The following LAMA1 variants were observed in gnomAD, a reference collection of about 807,000 sequenced individuals.
LAMA1 encodes the protein laminin subunit alpha-1.
A neutral mutation model predicts 348.7 loss-of-function variants in LAMA1; 219 were observed. The ratio of observed to expected loss-of-function variants is 0.63; its 90% CI spans 0.56 to 0.70. The LOEUF is 0.70. LAMA1 is among the 30% of genes least tolerant of loss of function. The pLI, the probability that LAMA1 is intolerant of heterozygous loss-of-function variation, is 0.00. For synonymous variants in LAMA1, 1,487 were observed against 1,491.0 expected, an observed-to-expected ratio of 1.00 and a Z score of 0.06; for missense variants, 3,744 against 3,888.0, an observed-to-expected ratio of 0.96 and a Z score of 0.99.
In LAMA1 at chr18:6,982,477, C is replaced by G; in HGVS notation, c.5890+20G>C. 6.2e-7 allele frequency: 1 copy of G among 1,607,572 alleles called. No homozygotes were observed. Among genetic ancestry groups the G allele is most frequent in the Non-Finnish European group, 8.5e-7 (1 of 1,173,966 alleles). On this transcript the variant is annotated intron_variant, in intron 41 of 62. Coordinates refer to ENST00000389658, the MANE Select transcript of LAMA1 (RefSeq NM_005559.4). The stretch of plus-strand genomic sequence containing the variant: ...TCACGCTCACTCTGCCTGTCTACAC[C>G]GTCCGAGCCACATACTGACCTGGAA...
intron 62 of LAMA1, among the ~76,000 whole-genome samples, chr18:6,942,927 G>A (rs931875644): frequency 6.6e-6 from 1 of 152,118 alleles, no homozygotes. Flanking sequence ...AATTTACTTC[G>A]GTAGAGTCAT....
chr18:6,959,495 G>T lies in LAMA1; in HGVS notation c.7627-3C>A. 6.2e-7 allele frequency: 1 copy of T among 1,614,092 alleles called. No homozygotes were observed. Among genetic ancestry groups the T allele is most frequent in the Non-Finnish European group, 8.5e-7 (1 of 1,179,996 alleles). ...ATCAGCATGACGGAAAAGAAGGGCT[G>T]GGGAGGTTGCATAGAGAATTTCCCA... On this transcript the variant is annotated splice_region_variant and splice_polypyrimidine_tract_variant and intron_variant, in intron 53 of 62. Coordinates refer to ENST00000389658, the MANE Select transcript of LAMA1 (RefSeq NM_005559.4).
intron 44 of LAMA1, 108 bp from the exon 45 acceptor site, chr18:6,976,188 CCT>C: frequency 9.4e-7 from 1 of 1,068,676 alleles, no homozygotes; most frequent in Non-Finnish European, 1.4e-6. Context: ...AGGCAGGTTT[CCT>C]CTCTTGATAA....
In LAMA1 at chr18:7,034,836, G is replaced by A. The variant is rs2057987271; in HGVS notation, c.1840-146C>T. The A allele has an allele frequency of 6.0e-6, 4 of 665,486 alleles. No homozygotes were observed. In the East Asian group the frequency reaches 1.1e-4, roughly 18 times the overall value. The allele number at this position is 665,486 out of a possible 1,614,324, so 41.2% of individuals were successfully genotyped here. A position where few individuals can be genotyped will look rare whatever the true frequency, so the allele number is the denominator to read the frequency against. On this transcript the variant is annotated intron_variant, in intron 13 of 62. Transcript: ENST00000389658. ...ACGTGTAATGGTGTGTACAGCTCTT[G>A]GCCCAGAATTATCAGAGAAAAGGTG...
At chr18:7,002,239 G>C (rs2057810800) in intron 30 of LAMA1, 25 bp downstream of exon 30, 2 of 1,608,756 alleles carry the variant, frequency 1.2e-6, no homozygotes, top group East Asian at 4.5e-5. Context: ...AGCCCAGCAT[G>C]CCAGCTGCCC....
At chr18:6,982,126 C>T (rs558103788) in intron 41 of LAMA1, among the ~76,000 whole-genome samples, 1 of 152,154 alleles carries the variant, frequency 6.6e-6, no homozygotes, top group Non-Finnish European at 1.5e-5. Context: ...AAATATCAAG[C>T]ATAATACATC....
chr18:7,055,847 C>T (rs1025172227), intron 3 of LAMA1, among the ~76,000 whole-genome samples: 2 of 151,534 alleles, frequency 1.3e-5, no homozygotes, highest in Admixed American at 6.6e-5. Context: ...TTTGGGAGGC[C>T]GAGGCGGGCG....
chr18:6,999,983 C>A lies in LAMA1; in HGVS notation c.4397G>T (p.Cys1466Phe). 6.2e-7 allele frequency: 1 copy of A among 1,613,606 alleles called. No homozygotes were observed. The highest frequency in any genetic ancestry group is 8.5e-7 in the Non-Finnish European group (1 of 1,179,550). The change falls in exon 31 of 63, where the codon TGT becomes TTT. Residue 1466 changes from cysteine (C) to phenylalanine (F), a missense_variant. By Grantham distance (205) the Cys-to-Phe change is radical. This residue lies in a region of LAMA1 where 1,983 missense variants were observed against 1,934.3 expected (regional missense o/e 1.03). Coordinates refer to ENST00000389658, the MANE Select transcript of LAMA1 (RefSeq NM_005559.4). ...HSPPASFSPT[C>F]VLEGDHDFRC... The stretch of plus-strand genomic sequence containing the variant: ...GAAATCGTGGTCCCCTTCCAAGACA[C>A]AAGTGGGACTAAAACTGGAGGAAAA...
At chr18:6,949,057 G>A (rs781125317) in intron 59 of LAMA1, 44 bp downstream of exon 59, 31 of 1,611,736 alleles carry the variant, frequency 1.9e-5, no homozygotes, top group Non-Finnish European at 2.5e-5. Flanking sequence ...AAATAAACAC[G>A]AACACAACGA....
In LAMA1 at chr18:6,977,073, G is replaced by A. The variant is rs1290352126; in HGVS notation, c.6345+654C>T. ...TCAGGTGGACAAATGCAAGCCCAGA[G>A]GCTGCATTCATCCTCTCGAAGTCCC... On this transcript the variant is annotated intron_variant, in intron 44 of 62. Coordinates refer to ENST00000389658, the MANE Select transcript of LAMA1 (RefSeq NM_005559.4). 2.6e-5 allele frequency among the ~76,000 whole-genome samples: 4 copies of A among 152,158 alleles called. 1 individual carries two copies. Among genetic ancestry groups the A allele is most frequent in the Non-Finnish European group, 5.9e-5 (4 of 68,040 alleles).
intron 1 of LAMA1, among the ~76,000 whole-genome samples, chr18:7,109,263 G>A (rs995584828): frequency 2.6e-5 from 4 of 152,174 alleles, no homozygotes. Flanking sequence ...GTTCCTCGGT[G>A]TTACTGCCCT....
At chr18:6,943,107 A>T in intron 62 of LAMA1, 73 bp downstream of exon 62, 2 of 1,285,306 alleles carry the variant, frequency 1.6e-6, no homozygotes, top group Non-Finnish European at 2.3e-6. Context: ...TCCCTATTCT[A>T]CATCCACCTG....
intron 58 of LAMA1, among the ~76,000 whole-genome samples, chr18:6,949,879 C>G (rs1240242536): frequency 6.6e-6 from 1 of 152,192 alleles, no homozygotes; most frequent in Non-Finnish European, 1.5e-5. Flanking sequence ...AAACTCTAAC[C>G]AGCCATTGTT....
intron 1 of LAMA1, among the ~76,000 whole-genome samples, chr18:7,082,357 C>T (rs1482997079): frequency 1.3e-5 from 2 of 151,912 alleles, no homozygotes; most frequent in Non-Finnish European, 2.9e-5. Context: ...TGTAAAGGGA[C>T]TTCGTTTGTT....
chr18:7,014,854 C>T (rs113288435), intron 22 of LAMA1, among the ~76,000 whole-genome samples: 4 of 142,724 alleles, frequency 2.8e-5, no homozygotes, highest in South Asian at 2.2e-4. Context: ...CTTTTCTTTT[C>T]TTTTTTTTCT....
intron 40 of LAMA1, 68 bp downstream of exon 40, chr18:6,983,031 C>T: frequency 6.2e-7 from 1 of 1,603,318 alleles, no homozygotes; most frequent in East Asian, 2.2e-5. Context: ...GCCACTGAAT[C>T]TCTGCTCAAA....
chr18:7,057,970 A>T (rs1171508839), intron 3 of LAMA1, among the ~76,000 whole-genome samples: 10 of 146,762 alleles, frequency 6.8e-5, no homozygotes, highest in Non-Finnish European at 6.0e-5. Context: ...AATTTTTTTT[A>T]ATTTTTTTTT....
intron 1 of LAMA1, among the ~76,000 whole-genome samples, chr18:7,089,655 G>A (rs972861648): frequency 1.3e-5 from 2 of 152,324 alleles, no homozygotes; most frequent in Admixed American, 6.5e-5. Context: ...TTGCCTGAGC[G>A]AGGTTTTATT....
intron 3 of LAMA1, among the ~76,000 whole-genome samples, chr18:7,071,460 T>C (rs2058145649): frequency 6.6e-6 from 1 of 152,210 alleles, no homozygotes; most frequent in African/African-American, 2.4e-5. Context: ...ACCTCAAACA[T>C]GATTGATACT....
Sources: gnomAD v4.1 joint callset for allele counts (sites outside exome capture counted in the v4.1 genomes callset) on GRCh38, gnomAD v4.1.1 for gene constraint, gnomAD v4.1.1 regional missense constraint, MANE v1.5 for transcripts, NCBI Gene and HGNC (gene_info 2026-07-23, HGNC 2026-07-21) for gene names.